Variants in PSD3 observed in about 807,000 individuals in gnomAD.
The protein encoded by PSD3 is pleckstrin and Sec7 domain containing 3, also known as PH and SEC7 domain-containing protein 3.
Under a neutral mutation model 105.5 loss-of-function variants are expected in PSD3, and 49 were observed. The ratio of observed to expected loss-of-function variants is 0.46; its 90% confidence interval spans 0.37 to 0.59. PSD3 has a LOEUF of 0.59. PSD3 is among the 20% of genes least tolerant of loss of function. The pLI is 0.00. For missense variants in PSD3, 1,561 were observed against 1,263.8 expected, an observed-to-expected ratio of 1.24 and a Z score of -3.57; for synonymous variants, 557 against 457.8, an observed-to-expected ratio of 1.22 and a Z score of -2.77.
intron 9 of PSD3, among the ~76,000 whole-genome samples, chr8:18,670,333 G>C (rs183785334): frequency 3.5e-4 from 53 of 152,342 alleles, no homozygotes; most frequent in Non-Finnish European, 5.1e-4. Flanking sequence ...AGAAAAGTTA[G>C]AGGTTTATTC....
chr8:18,980,328 G>A (rs1040647896), intron 1 of PSD3, among the ~76,000 whole-genome samples: 2 of 152,146 alleles, frequency 1.3e-5, no homozygotes, highest in African/African-American at 4.8e-5. Context: ...TGGCTTCCAG[G>A]GTAGACAGAC....
chr8:18,793,628 G>A (rs1809955829), intron 8 of PSD3, among the ~76,000 whole-genome samples: 1 of 152,172 alleles, frequency 6.6e-6, no homozygotes, highest in South Asian at 2.1e-4. Context: ...TATGACCATG[G>A]ATGGAATCTA....
At chr8:19,014,950 C>T (rs926244891), upstream of PSD3, among the ~76,000 whole-genome samples, 1 of 152,158 alleles carries the variant, frequency 6.6e-6, no homozygotes, top group Non-Finnish European at 1.5e-5. This position sits in a 1 kb window ranked among gnomAD's most constrained non-coding sequence, Gnocchi z 4.9. Context: ...GAAAAACGTC[C>T]GCAGCTCATG....
At chr8:18,759,131 A>C (rs1251822356) in intron 9 of PSD3, among the ~76,000 whole-genome samples, 3 of 145,516 alleles carry the variant, frequency 2.1e-5, no homozygotes, top group Non-Finnish European at 4.5e-5. Flanking sequence ...TCCACATTAA[A>C]ACTTTTGCTC....
intron 1 of PSD3, among the ~76,000 whole-genome samples, chr8:18,938,387 T>C (rs185990461): frequency 1.8e-3 from 279 of 151,554 alleles, no homozygotes; most frequent in African/African-American, 6.5e-3. Context: ...TCTGGGAGGC[T>C]GGGGTGGGCG....
chr8:18,913,936 T>C (rs113324951), intron 2 of PSD3, among the ~76,000 whole-genome samples: 1 of 152,090 alleles, frequency 6.6e-6, no homozygotes, highest in African/African-American at 2.4e-5. Context: ...TGCAGATCCA[T>C]GCTCTGGGCC....
At chr8:18,622,391 T>C (rs1806177506) in intron 11 of PSD3, among the ~76,000 whole-genome samples, 1 of 152,230 alleles carries the variant, frequency 6.6e-6, no homozygotes, top group Admixed American at 6.5e-5. Context: ...AATGTGCTTC[T>C]ACCACTGTGT....
intron 9 of PSD3, among the ~76,000 whole-genome samples, chr8:18,731,646 T>C (rs1319003530): frequency 6.6e-6 from 1 of 152,180 alleles, no homozygotes; most frequent in South Asian, 2.1e-4. Flanking sequence ...CAAAGGAAAT[T>C]GCTTATAGAA....
chr8:18,542,128 A>T (rs983475096), intron 15 of PSD3, among the ~76,000 whole-genome samples: 1 of 152,148 alleles, frequency 6.6e-6, no homozygotes, highest in South Asian at 2.1e-4. Flanking sequence ...AAAGTGAGAA[A>T]CTGGACCACT....
intron 9 of PSD3, among the ~76,000 whole-genome samples, chr8:18,700,173 G>C (rs555734759): frequency 1.2e-4 from 19 of 152,220 alleles, no homozygotes; most frequent in South Asian, 4.1e-4. Flanking sequence ...TAACATTAAA[G>C]ATAATATACA....
chr8:18,785,229 A>G (rs1163696002), intron 8 of PSD3, among the ~76,000 whole-genome samples: 1 of 152,212 alleles, frequency 6.6e-6, no homozygotes, highest in Non-Finnish European at 1.5e-5. Flanking sequence ...TATCACCTTG[A>G]TGAAATGACC....
At chr8:18,683,406 C>T (rs576315566) in intron 9 of PSD3, among the ~76,000 whole-genome samples, 12 of 152,340 alleles carry the variant, frequency 7.9e-5, no homozygotes, top group Admixed American at 3.9e-4. Flanking sequence ...CACAATATCT[C>T]TGTATTCCTG....
intron 9 of PSD3, among the ~76,000 whole-genome samples, chr8:18,734,652 G>A (rs1335136736): frequency 2.6e-5 from 4 of 152,150 alleles, no homozygotes; most frequent in Non-Finnish European, 4.4e-5. Flanking sequence ...GTCATGAGGA[G>A]ACCTAAAAGC....
chr8:18,740,780 T>A (rs1434665314), intron 9 of PSD3, among the ~76,000 whole-genome samples: 1 of 152,152 alleles, frequency 6.6e-6, no homozygotes, highest in Non-Finnish European at 1.5e-5. Flanking sequence ...ATTCCCTCTG[T>A]CCCACGACTT....
intron 9 of PSD3, among the ~76,000 whole-genome samples, chr8:18,726,285 C>A (rs1034683596): frequency 7.2e-5 from 11 of 152,316 alleles, no homozygotes; most frequent in African/African-American, 2.6e-4. Context: ...AAGTAATAAG[C>A]AGCCAGAGAC....
At chr8:18,727,429 G>C (rs897305027) in intron 9 of PSD3, among the ~76,000 whole-genome samples, 3 of 150,536 alleles carry the variant, frequency 2.0e-5, no homozygotes, top group African/African-American at 7.4e-5. Context: ...AGAACTCCTT[G>C]AGCCTGGGAG....
At chr8:18,680,538 A>C (rs1265406720) in intron 9 of PSD3, among the ~76,000 whole-genome samples, 1 of 152,298 alleles carries the variant, frequency 6.6e-6, no homozygotes, top group African/African-American at 2.4e-5. Flanking sequence ...AATTTTAATA[A>C]TGAATGCCGG....
intron 1 of PSD3, among the ~76,000 whole-genome samples, chr8:19,050,970 G>A (rs1284744148): frequency 6.6e-6 from 1 of 152,176 alleles, no homozygotes; most frequent in Non-Finnish European, 1.5e-5. Context: ...AAAGGAAAGA[G>A]AGTTTGCTTA....
chr8:18,537,999 CCTT>C (rs1330271748), intron 15 of PSD3, among the ~76,000 whole-genome samples: 2 of 152,178 alleles, frequency 1.3e-5, no homozygotes, highest in Non-Finnish European at 2.9e-5. Flanking sequence ...CTTATTCCCT[CCTT>C]AACATGGACA....
Sources: gnomAD v4.1 joint callset for allele counts (sites outside exome capture counted in the v4.1 genomes callset) on GRCh38, gnomAD v4.1.1 for gene constraint, Gnocchi (gnomAD v3.1) non-coding constraint, MANE v1.5 for transcripts, NCBI Gene and HGNC (gene_info 2026-07-23, HGNC 2026-07-21) for gene names.